The following TG variants were observed in gnomAD, a reference collection of about 807,000 sequenced individuals.
TG encodes the protein thyroid hormones.
Under a neutral mutation model 324.7 loss-of-function variants are expected in TG, and 270 were observed. The observed-to-expected ratio is 0.83, with a 90% CI of 0.75 to 0.92. TG has a LOEUF of 0.92. TG is among the 40% of genes least tolerant of loss of function. The pLI, the probability that TG is intolerant of heterozygous loss-of-function variation, is 0.00. For missense variants in TG, 3,591 were observed against 3,456.4 expected, an observed-to-expected ratio of 1.04 and a Z score of -0.98; for synonymous variants, 1,401 against 1,327.0, an observed-to-expected ratio of 1.06 and a Z score of -1.21.
chr8:133,130,868 G>A (rs1413300578), intron 45 of TG, among the ~76,000 whole-genome samples: 1 of 149,184 alleles, frequency 6.7e-6, no homozygotes, highest in Admixed American at 6.6e-5. Context: ...ATCCCACTGT[G>A]AGGAGAAGGA....
At chr8:132,890,603 T>TCTA (rs1212102218) in intron 10 of TG, among the ~76,000 whole-genome samples, 1 of 152,230 alleles carries the variant, frequency 6.6e-6, no homozygotes, top group East Asian at 1.9e-4. Context: ...GGTTCTACCA[T>TCTA]CTACTGCTCT....
chr8:133,111,845 A>G (rs2131746699), intron 43 of TG, among the ~76,000 whole-genome samples: 1 of 152,374 alleles, frequency 6.6e-6, no homozygotes, highest in South Asian at 2.1e-4. Flanking sequence ...AATAATCAAA[A>G]TGTTATTGAT....
chr8:132,873,052 A>G lies in TG; in HGVS notation c.479-10A>G, dbSNP rs764442409. On this transcript the variant is annotated splice_polypyrimidine_tract_variant and intron_variant, in intron 4 of 47. Transcript: ENST00000220616. The stretch of plus-strand genomic sequence containing the variant: ...ATATATAAGGATTTTTTTTTCGTGA[A>G]AATGTTTAGGTCCAAGGAGCTGTGA... 1.9e-6 allele frequency: 3 copies of G among 1,613,790 alleles called. No individual in the cohort carries two copies. In the East Asian group the frequency reaches 6.7e-5, roughly 36 times the overall value.
At chr8:132,979,376 T>A (rs886338398) in intron 34 of TG, among the ~76,000 whole-genome samples, 18 of 152,344 alleles carry the variant, frequency 1.2e-4, no homozygotes, top group African/African-American at 3.8e-4. Flanking sequence ...TCCTGTCTTC[T>A]GCTAAGCAAA....
chr8:133,060,138 G>C, intron 41 of TG: 1 of 1,612,156 alleles, frequency 6.2e-7, no homozygotes, highest in Non-Finnish European at 8.5e-7. Flanking sequence ...AGGCGCAGGG[G>C]TGGATTTCAT....
At chr8:133,126,574 C>A in intron 45 of TG, among the ~76,000 whole-genome samples, 1 of 112,212 alleles carries the variant, frequency 8.9e-6, no homozygotes, top group African/African-American at 3.6e-5. Flanking sequence ...TCCTCTGGGG[C>A]CGGGGGTGGG....
At chr8:132,928,519 G>T (rs994412549) in intron 22 of TG, among the ~76,000 whole-genome samples, 2 of 152,104 alleles carry the variant, frequency 1.3e-5, no homozygotes, top group Non-Finnish European at 2.9e-5. Flanking sequence ...ATGAGCTTGT[G>T]ACTGTTATTC....
intron 45 of TG, among the ~76,000 whole-genome samples, chr8:133,118,320 C>CTTTTTTTTTTTT (rs34171048): frequency 1.1e-5 from 1 of 88,980 alleles, no homozygotes; most frequent in Non-Finnish European, 2.2e-5. Flanking sequence ...CAGATTCTTC[C>CTTTTTTTTTTTT]TTTTTTTTTT....
At chr8:132,968,715 C>G (rs1220725160) in intron 31 of TG, among the ~76,000 whole-genome samples, 1 of 152,108 alleles carries the variant, frequency 6.6e-6, no homozygotes, top group Admixed American at 6.5e-5. Context: ...GTTGGGTTGC[C>G]CTTTGGGGAA....
intron 35 of TG, chr8:133,001,944 T>C: frequency 2.0e-6 from 2 of 985,498 alleles, no homozygotes; most frequent in Non-Finnish European, 2.4e-6. Flanking sequence ...CTGAAAGAAA[T>C]TCCTCTTGGT....
intron 35 of TG, among the ~76,000 whole-genome samples, chr8:133,000,505 G>T (rs1564060059): frequency 6.6e-6 from 1 of 152,228 alleles, no homozygotes; most frequent in Non-Finnish European, 1.5e-5. Context: ...GCTGGCAGGA[G>T]GCAGAGCTGG....
chr8:133,124,462 C>T (rs954705143), intron 45 of TG, among the ~76,000 whole-genome samples: 1 of 152,190 alleles, frequency 6.6e-6, no homozygotes, highest in African/African-American at 2.4e-5. Context: ...TCTAGTGAAA[C>T]AGCACATCCT....
chr8:132,938,308 C>A (rs1823904328), intron 25 of TG, among the ~76,000 whole-genome samples: 1 of 152,166 alleles, frequency 6.6e-6, no homozygotes, highest in Non-Finnish European at 1.5e-5. Context: ...CTGCCTACTC[C>A]CACTTAATGT....
chr8:132,921,064 G>C (rs1001430395), intron 21 of TG, among the ~76,000 whole-genome samples: 2 of 152,184 alleles, frequency 1.3e-5, no homozygotes, highest in African/African-American at 4.8e-5. Flanking sequence ...GAAAAAGAGA[G>C]AAAAATCTCC....
At chr8:132,927,224 A>G (rs1401422170) in intron 22 of TG, among the ~76,000 whole-genome samples, 1 of 151,836 alleles carries the variant, frequency 6.6e-6, no homozygotes, top group African/African-American at 2.4e-5. Flanking sequence ...TGTTGTGATG[A>G]TGTTGTTAGT....
chr8:132,949,071 TTTA>T, intron 27 of TG, 128 bp downstream of exon 27: 1 of 828,776 alleles, frequency 1.2e-6, no homozygotes, highest in Non-Finnish European at 1.9e-6. Context: ...AAAAAAAAAC[TTTA>T]CCAATCATAC....
At chr8:133,133,417 G>C in intron 46 of TG, 53 bp from the exon 47 acceptor site, 1 of 1,571,744 alleles carries the variant, frequency 6.4e-7, no homozygotes, top group Non-Finnish European at 8.8e-7. Context: ...TTCAGGTGAT[G>C]AAAGGAAAGA....
intron 45 of TG, among the ~76,000 whole-genome samples, chr8:133,128,382 C>CACACACACACACAG (rs1270700620): frequency 6.7e-6 from 1 of 149,160 alleles, no homozygotes; most frequent in African/African-American, 2.5e-5. Context: ...CACACACACA[C>CACACACACACACAG]AGTCATCCGC....
At chr8:132,902,571 G>A (rs916265283) in intron 16 of TG, among the ~76,000 whole-genome samples, 10 of 152,134 alleles carry the variant, frequency 6.6e-5, no homozygotes, top group South Asian at 2.1e-4. Context: ...TGCTTCATCC[G>A]CATCTTGACT....
Sources: allele counts gnomAD v4.1 joint callset (sites outside exome capture counted in the v4.1 genomes callset), GRCh38; gene constraint gnomAD v4.1.1; transcripts MANE v1.5; gene names NCBI Gene and HGNC (gene_info 2026-07-23, HGNC 2026-07-21).